Variants in CHST10 observed in about 807,000 individuals in gnomAD.
CHST10 encodes the protein carbohydrate sulfotransferase 10.
Under a neutral mutation model 34.7 loss-of-function variants are expected in CHST10, and 24 were observed. The observed-to-expected ratio is 0.69, with a 90% confidence interval of 0.50 to 0.97. The LOEUF is 0.97. Among genes scored for constraint, CHST10 ranks in the 50% least tolerant of loss-of-function variants. The probability of loss-of-function intolerance (pLI) is 0.00; values close to 1 mark genes in which losing one functional copy is unlikely to be tolerated. For synonymous variants in CHST10, 161 were observed against 169.3 expected (o/e 0.95, Z 0.38); for missense variants, 402 against 452.1 (o/e 0.89, Z 1.00).
At chr2:100,396,751 C>A (rs1218495238) in intron 5 of CHST10, among the ~76,000 whole-genome samples, 1 of 152,168 alleles carries the variant, frequency 6.6e-6, no homozygotes, top group African/African-American at 2.4e-5. Flanking sequence ...AAGGACCACC[C>A]GCTTCTGTAT....
chr2:100,414,343 C>G (rs1392624821), intron 2 of CHST10, among the ~76,000 whole-genome samples: 2 of 150,918 alleles, frequency 1.3e-5, no homozygotes, highest in African/African-American at 4.9e-5. Flanking sequence ...TAAAACACAG[C>G]CAGACTCTAA....
At chr2:100,412,147 A>ATGCCCACTCAGCCAC (rs1675869830) in intron 2 of CHST10, among the ~76,000 whole-genome samples, 1 of 152,204 alleles carries the variant, frequency 6.6e-6, no homozygotes, top group Non-Finnish European at 1.5e-5. Context: ...CAAAAAGCAA[A>ATGCCCACTCAGCCAC]TGCCCACTCA....
In CHST10 at chr2:100,391,932, A is replaced by T. The variant is rs1344035956; in HGVS notation, c.*1313T>A. Reference sequence around the variant, plus strand: ...AGGAAACCATTCTGAGAAAAGGTAGAGGCCGCCTTGAAGCGAAGCCTGGCT... The same window carrying T: ...AGGAAACCATTCTGAGAAAAGGTAGTGGCCGCCTTGAAGCGAAGCCTGGCT... On this transcript the variant is annotated 3_prime_UTR_variant, in exon 7 of 7. Coordinates refer to ENST00000264249, the MANE Select transcript of CHST10 (RefSeq NM_004854.5). 6.5e-6 allele frequency: 1 copy of T among 152,720 alleles called. No individual in the cohort carries two copies. Among genetic ancestry groups the T allele is most frequent in the Non-Finnish European group, 1.5e-5 (1 of 68,068 alleles). 9.5% of individuals were successfully genotyped at this position (152,720 alleles called of 1,614,324 possible).
chr2:100,416,909 C>G, intron 1 of CHST10: 1 of 1,243,856 alleles, frequency 8.0e-7, no homozygotes, highest in Non-Finnish European at 1.1e-6. Context: ...GGCCTCCTGA[C>G]AGCGAAGATC....
At chr2:100,402,762 C>A (rs116373088) in intron 3 of CHST10, 107 bp from the exon 4 acceptor site, 2 of 934,360 alleles carry the variant, frequency 2.1e-6, no homozygotes, top group Admixed American at 2.3e-5. Flanking sequence ...TGCCCAAATG[C>A]CTTTTGACAA....
chr2:100,402,713 G>T, intron 3 of CHST10, 58 bp from the exon 4 acceptor site: 2 of 1,442,336 alleles, frequency 1.4e-6, no homozygotes, highest in Non-Finnish European at 1.9e-6. Flanking sequence ...CAGGTGGATG[G>T]GACAGAACAG....
intron 1 of CHST10, 26 bp from the exon 2 acceptor site, chr2:100,415,137 A>T (rs1470055802): frequency 8.0e-7 from 1 of 1,250,480 alleles, no homozygotes; most frequent in Non-Finnish European, 1.1e-6. Flanking sequence ...AAAAAAAAAA[A>T]AGCATTATTA....
intron 6 of CHST10, among the ~76,000 whole-genome samples, chr2:100,394,105 G>T (rs1381056457): frequency 1.3e-5 from 2 of 152,338 alleles, no homozygotes; most frequent in African/African-American, 4.8e-5. Flanking sequence ...AAAACTTCAA[G>T]AATGTTTACA....
At chr2:100,399,250 C>A (rs1675224042) in intron 4 of CHST10, among the ~76,000 whole-genome samples, 2 of 152,152 alleles carry the variant, frequency 1.3e-5, no homozygotes, top group Non-Finnish European at 2.9e-5. Context: ...ACTATAGGTG[C>A]CCACCACCAT....
chr2:100,411,408 G>A (rs1350065536), intron 2 of CHST10, among the ~76,000 whole-genome samples: 2 of 151,968 alleles, frequency 1.3e-5, no homozygotes, highest in Non-Finnish European at 1.5e-5. Context: ...CACCACACCC[G>A]GCCTAGTTAA....
rs368464512 is a variant in CHST10 at position 100,417,421 on chromosome 2, C to T, written c.-151G>A. On this transcript the variant is annotated 5_prime_UTR_variant, in exon 1 of 7. Coordinates refer to ENST00000264249, the MANE Select transcript of CHST10 (RefSeq NM_004854.5). ...GGGTCCTTAGGCTCCTCCCCTGGCC[C>T]TGGGGGCGCCGCGCGGGTCGGGCTT... 4.5e-4 allele frequency: 84 copies of T among 188,754 alleles called. No individual in the cohort carries two copies. Among genetic ancestry groups the T allele is most frequent in the African/African-American group, 1.7e-3 (70 of 42,002 alleles). The allele number at this position is 188,754 out of a possible 1,614,324, so 11.7% of individuals were successfully genotyped here. A position where few individuals can be genotyped will look rare whatever the true frequency, so the allele number is the denominator to read the frequency against.
At position 100,394,472 on chromosome 2, in the gene CHST10, T is replaced by C. The variant is rs371910357; in HGVS notation, c.534-690A>G. Among the ~76,000 whole-genome samples the C allele has an allele frequency of 6.6e-5, 10 of 152,130 alleles. 1 individual carries two copies. The highest frequency in any genetic ancestry group is 3.3e-4 in the Admixed American group (5 of 15,274). On this transcript the variant is annotated intron_variant, in intron 6 of 6. Transcript: ENST00000264249. The stretch of plus-strand genomic sequence containing the variant: ...CTCACTGAGTCTCACAAAAGCCCCA[T>C]GAGTGCTCAGGGCAACAGCAGGACA...
chr2:100,396,592 C>T (rs1010922846), intron 5 of CHST10, among the ~76,000 whole-genome samples: 4 of 152,156 alleles, frequency 2.6e-5, no homozygotes, highest in African/African-American at 7.2e-5. Flanking sequence ...CAGAACTCTG[C>T]GGTACATGCT....
chr2:100,416,688 A>AAAC (rs140248946), intron 1 of CHST10: 16,104 of 324,506 alleles, frequency 0.05, 861 homozygotes, highest in African/African-American at 0.15. Context: ...TTTTCAGACA[A>AAAC]AACAACAACA....
intron 2 of CHST10, chr2:100,408,196 T>C (rs1358112711): frequency 6.6e-6 from 1 of 152,206 alleles, no homozygotes; most frequent in East Asian, 1.9e-4. Flanking sequence ...CAAAAACCTA[T>C]GTGTTGTTTT....
chr2:100,411,116 CTTTTT>C (rs66495740), intron 2 of CHST10, among the ~76,000 whole-genome samples: 2 of 129,084 alleles, frequency 1.5e-5, no homozygotes, highest in Non-Finnish European at 1.6e-5. Flanking sequence ...AGCATTTTTT[CTTTTT>C]TTTTTTTTTT....
chr2:100,396,114 G>A (rs545283273), intron 5 of CHST10, among the ~76,000 whole-genome samples: 36 of 152,328 alleles, frequency 2.4e-4, no homozygotes, highest in Admixed American at 9.8e-4. Flanking sequence ...CATGCCCCTG[G>A]CCCACAGTGG....
intron 2 of CHST10, among the ~76,000 whole-genome samples, chr2:100,410,558 G>A: frequency 6.6e-6 from 1 of 152,176 alleles, no homozygotes; most frequent in East Asian, 1.9e-4. Flanking sequence ...TACTTCAGGA[G>A]GCAGCCTGCC....
intron 4 of CHST10, among the ~76,000 whole-genome samples, chr2:100,398,415 A>C (rs1675176911): frequency 6.6e-6 from 1 of 152,124 alleles, no homozygotes; most frequent in Non-Finnish European, 1.5e-5. Context: ...ACTTTAAAAA[A>C]CAAAATAAGG....
Sources: gnomAD v4.1 joint callset for allele counts (sites outside exome capture counted in the v4.1 genomes callset) on GRCh38, gnomAD v4.1.1 for gene constraint, MANE v1.5 for transcripts, NCBI Gene and HGNC (gene_info 2026-07-23, HGNC 2026-07-21) for gene names.